The following BCKDHA variants were observed in gnomAD, a reference collection of about 807,000 sequenced individuals.
BCKDHA encodes branched chain keto acid dehydrogenase E1 subunit alpha, also known as 2-oxoisovalerate dehydrogenase subunit alpha, mitochondrial.
In BCKDHA, 43 loss-of-function variants were observed where a neutral mutation model predicts 52.2. That is an observed-to-expected ratio of 0.82 (90% CI 0.64 to 1.06). BCKDHA has a LOEUF of 1.06. BCKDHA is among the 50% of genes least tolerant of loss of function. BCKDHA has a pLI of 0.00. For missense variants in BCKDHA, 527 were observed against 621.3 expected, an observed-to-expected ratio of 0.85 and a Z score of 1.61; for synonymous variants, 234 against 247.9, an observed-to-expected ratio of 0.94 and a Z score of 0.53.
intron 8 of BCKDHA, among the ~76,000 whole-genome samples, chr19:41,423,424 G>C (rs2039391967): frequency 6.6e-6 from 1 of 152,234 alleles, no homozygotes; most frequent in African/African-American, 2.4e-5. Context: ...ACTGGGCATG[G>C]TGGCTCACAC....
chr19:41,419,487 G>GC (rs2039341742), intron 5 of BCKDHA, among the ~76,000 whole-genome samples, 191 bp downstream of exon 5: 1 of 152,124 alleles, frequency 6.6e-6, no homozygotes, highest in Non-Finnish European at 1.5e-5. Context: ...TGTTGCCCAG[G>GC]CTAGAGTGCA....
rs570142464 is a variant in BCKDHA, at chr19:41,417,102, C to T, written c.485-2033C>T. 2.0e-5 allele frequency among the ~76,000 whole-genome samples: 3 copies of T among 152,218 alleles called. No homozygotes were observed. The East Asian group carries it at 5.8e-4, about 29-fold the overall frequency. ...TCTCGGCTCACTGCAACCTCTGCCT[C>T]TTAGGATCAAGTGATCCTCCCACCT... is the stretch of plus-strand genomic sequence containing the variant. On this transcript the variant is annotated intron_variant, in intron 4 of 8. Coordinates refer to ENST00000269980, the MANE Select transcript of BCKDHA (RefSeq NM_000709.4).
chr19:41,424,083 G>A (rs284658), intron 8 of BCKDHA, among the ~76,000 whole-genome samples: 86,833 of 151,870 alleles, frequency 0.57, 25,107 homozygotes, highest in Middle Eastern at 0.62. Context: ...ACCCTCCCTG[G>A]CCCGGTCATT....
At chr19:41,421,582 G>A (rs2039365298) in intron 5 of BCKDHA, among the ~76,000 whole-genome samples, 1 of 151,808 alleles carries the variant, frequency 6.6e-6, no homozygotes. Flanking sequence ...GTGAGCAGGT[G>A]TGGGGTGGTT....
chr19:41,408,921 G>C lies in BCKDHA; in HGVS notation c.109-1716G>C, dbSNP rs146090824. 5.5e-4 allele frequency among the ~76,000 whole-genome samples: 83 copies of C among 151,818 alleles called. 1 individual carries two copies. Among genetic ancestry groups the C allele is most frequent in the African/African-American group, 2.0e-3 (81 of 41,378 alleles). ...CCTTGCCAGGCCCTGAGCTCCTTCT[G>C]TCTTCCATGAAGGACACACTATTCC... On this transcript the variant is annotated intron_variant, in intron 1 of 8. Coordinates refer to ENST00000269980, the MANE Select transcript of BCKDHA (RefSeq NM_000709.4).
chr19:41,403,092 G>A (rs1219671808), intron 1 of BCKDHA, among the ~76,000 whole-genome samples: 1 of 152,146 alleles, frequency 6.6e-6, no homozygotes, highest in Non-Finnish European at 1.5e-5. Flanking sequence ...TCAGAGAAGC[G>A]TTCCAGACCC....
rs1290735942 is a variant in BCKDHA at position 41,424,720 on chromosome 19, C to G, written c.*112C>G. The G allele has an allele frequency of 7.9e-7, 1 of 1,266,144 alleles. No homozygotes were observed. The highest frequency in any genetic ancestry group is 1.1e-6 in the Non-Finnish European group (1 of 927,794). 78.4% of individuals were successfully genotyped at this position (1,266,144 alleles called of 1,614,324 possible). ...CACTGTCTTCCCCAGTCAGCTCCCT[C>G]TAAAATACTCAGCGGCCAGGGCGGC... On this transcript the variant is annotated 3_prime_UTR_variant, in exon 9 of 9. Coordinates refer to ENST00000269980, the MANE Select transcript of BCKDHA (RefSeq NM_000709.4).
At chr19:41,411,451 T>A (rs2039252801) in intron 3 of BCKDHA, among the ~76,000 whole-genome samples, 1 of 152,122 alleles carries the variant, frequency 6.6e-6, no homozygotes, top group South Asian at 2.1e-4. Flanking sequence ...AGAGGGAAGT[T>A]ATTGACTCCA....
chr19:41,398,344 A>G (rs1159837528), intron 1 of BCKDHA, among the ~76,000 whole-genome samples: 1 of 152,212 alleles, frequency 6.6e-6, no homozygotes, highest in Non-Finnish European at 1.5e-5. Flanking sequence ...ATCCCTCTTC[A>G]AGAAGAAGAA....
rs935233075 is a variant in BCKDHA at position 41,423,139 on chromosome 19, G to A, written c.1137G>A (p.Glu379=). ...AAGGCTGGTGGGATGAGGAGCAGGAGAAGGCCTGGAGGAAGCAGTCCCGCA... is the reference window on the plus strand; with the variant it reads ...AAGGCTGGTGGGATGAGGAGCAGGAAAAGGCCTGGAGGAAGCAGTCCCGCA... ...LSQGWWDEEQ[E]KAWRKQSRRK... is the part of the protein sequence containing the mutation. Residue 379 remains glutamate (E), a synonymous_variant, in exon 8 of 9, where the codon GAG becomes GAA. Coordinates refer to ENST00000269980, the MANE Select transcript of BCKDHA (RefSeq NM_000709.4). 1.9e-6 allele frequency: 3 copies of A among 1,558,164 alleles called. No homozygotes were observed. The highest frequency in any genetic ancestry group is 2.6e-6 in the Non-Finnish European group (3 of 1,151,100).
intron 8 of BCKDHA, among the ~76,000 whole-genome samples, chr19:41,424,192 C>T (rs1001113078): frequency 6.6e-5 from 10 of 152,210 alleles, no homozygotes; most frequent in African/African-American, 2.4e-4. Flanking sequence ...TCAGTTTCCT[C>T]ATTGCTTAGC....
At chr19:41,407,830 C>T (rs893668169) in intron 1 of BCKDHA, among the ~76,000 whole-genome samples, 2 of 152,022 alleles carry the variant, frequency 1.3e-5, no homozygotes, top group African/African-American at 2.4e-5. Flanking sequence ...GGAGGAATCC[C>T]GGGAGTAGTG....
At position 41,422,314 on chromosome 19, in the gene BCKDHA, A is replaced by G. The variant is rs746166264; in HGVS notation, c.797A>G (p.Asn266Ser). 2 of 1,614,210 alleles carry G rather than the reference A, an allele frequency of 1.2e-6. No homozygotes were observed. Among genetic ancestry groups the G allele is most frequent in the African/African-American group, 2.7e-5 (2 of 75,048 alleles). The change falls in exon 6 of 9, where the codon AAC becomes AGC. Residue 266 changes from asparagine to serine, a missense_variant. By Grantham distance (46) the Asn-to-Ser change is conservative. Coordinates refer to ENST00000269980, the MANE Select transcript of BCKDHA (RefSeq NM_000709.4). ...LECPIIFFCR[N>S]NGYAISTPTS... ...TGCCCCATCATCTTCTTCTGCCGGA[A>G]CAATGGCTACGCCATCTCCACGCCC...
chr19:41,422,624 C>T lies in BCKDHA; in HGVS notation c.854-5C>T. 1 of 1,613,984 alleles carries T rather than the reference C, an allele frequency of 6.2e-7. No individual in the cohort carries two copies. Among genetic ancestry groups the T allele is most frequent in the Non-Finnish European group, 8.5e-7 (1 of 1,180,038 alleles). ...GCCTGACCTGCCTTCTCTGTGTCCC[C>T]ACAGCAGCACGAGGCCCCGGGTATG... On this transcript the variant is annotated splice_polypyrimidine_tract_variant and splice_region_variant and intron_variant, in intron 6 of 8. Transcript: ENST00000269980.
chr19:41,416,531 C>T (rs1474068668), intron 4 of BCKDHA, among the ~76,000 whole-genome samples: 2 of 152,236 alleles, frequency 1.3e-5, no homozygotes, highest in South Asian at 2.1e-4. Flanking sequence ...AGACAGCTCT[C>T]GCTGTTTCCC....
At chr19:41,408,783 A>G (rs944509808) in intron 1 of BCKDHA, among the ~76,000 whole-genome samples, 5 of 151,924 alleles carry the variant, frequency 3.3e-5, no homozygotes, top group South Asian at 4.1e-4. Context: ...ATGCTTGAGT[A>G]ATTTTTAAAA....
At chr19:41,408,457 C>T (rs980789079) in intron 1 of BCKDHA, among the ~76,000 whole-genome samples, 4 of 152,086 alleles carry the variant, frequency 2.6e-5, no homozygotes, top group African/African-American at 9.7e-5. Context: ...TGCAACGCCT[C>T]GGCTGGTTCT....
intron 1 of BCKDHA, among the ~76,000 whole-genome samples, chr19:41,401,345 G>C (rs1351093703): frequency 6.6e-6 from 1 of 152,098 alleles, no homozygotes; most frequent in African/African-American, 2.4e-5. Context: ...CAGAGTGCTG[G>C]GATTACAGGT....
intron 3 of BCKDHA, among the ~76,000 whole-genome samples, chr19:41,411,934 C>T (rs2039258183): frequency 6.6e-6 from 1 of 152,196 alleles, no homozygotes. Context: ...TAGAAGAAAG[C>T]ACACATTCAT....
Sources: gnomAD v4.1 joint callset for allele counts (sites outside exome capture counted in the v4.1 genomes callset) on GRCh38, gnomAD v4.1.1 for gene constraint, MANE v1.5 for transcripts, NCBI Gene and HGNC (gene_info 2026-07-23, HGNC 2026-07-21) for gene names.